The following TTF2 variants were observed in gnomAD, a reference collection of about 807,000 sequenced individuals.
TTF2 encodes transcription termination factor 2, also known as RNA polymerase II termination factor.
In TTF2, 108 loss-of-function variants were observed where a neutral mutation model predicts 142.4. The observed-to-expected ratio is 0.76, with a 90% confidence interval of 0.65 to 0.89. The LOEUF (loss-of-function observed/expected upper bound fraction) is 0.89. Among genes scored for constraint, TTF2 ranks in the 40% least tolerant of loss-of-function variants. The pLI, the probability that TTF2 is intolerant of heterozygous loss-of-function variation, is 0.00. For synonymous variants in TTF2, 483 were observed against 506.2 expected (o/e 0.95, Z 0.61); for missense variants, 1,327 against 1,379.8 (o/e 0.96, Z 0.61).
At chr1:117,067,407 G>A (rs1490889711) in intron 3 of TTF2, among the ~76,000 whole-genome samples, 1 of 151,288 alleles carries the variant, frequency 6.6e-6, no homozygotes, top group East Asian at 2.0e-4. Flanking sequence ...GCGTGTGCCT[G>A]TAATCCCAGC....
In TTF2 at chr1:117,096,307, C is replaced by G. The variant is rs770906470; in HGVS notation, c.3186+8C>G. 1.3e-5 allele frequency: 21 copies of G among 1,613,792 alleles called. No homozygotes were observed. Among genetic ancestry groups the G allele is most frequent in the African/African-American group, 2.7e-5 (2 of 74,906 alleles). Reference sequence around the variant, plus strand: ...CACTCCAGAGGCCCTCAGGTACAAGCTGGTCACATCAGAGCCGCATAATTA... The same window carrying G: ...CACTCCAGAGGCCCTCAGGTACAAGGTGGTCACATCAGAGCCGCATAATTA... On this transcript the variant is annotated splice_region_variant and intron_variant, in intron 20 of 22. Transcript: ENST00000369466.
In TTF2 at chr1:117,072,736, T is replaced by A. The variant is rs557746868; in HGVS notation, c.219-925T>A. On this transcript the variant is annotated intron_variant, in intron 3 of 22. Coordinates refer to ENST00000369466, the MANE Select transcript of TTF2 (RefSeq NM_003594.4). ...CCGCACCCGGCCAAGATATGAACTA[T>A]TTTTTAAAAAATATTTGTATGTTTT... 4.9e-4 allele frequency among the ~76,000 whole-genome samples: 75 copies of A among 152,272 alleles called. 3 individuals are homozygous for A. The South Asian group carries it at 0.015, about 29-fold the overall frequency.
In TTF2 at chr1:117,099,330, G is replaced by A. The variant is rs1248384105; in HGVS notation, c.3344+423G>A. On this transcript the variant is annotated intron_variant, in intron 22 of 22. Transcript: ENST00000369466. This position sits in a 1 kb window ranked among gnomAD's most constrained non-coding sequence, Gnocchi z 4.3. ...AGACCTGATGCTCCTTTGTCCCTAA[G>A]TACTTAAGTGTACATTTCTTAAAAT... Among the ~76,000 whole-genome samples the A allele has an allele frequency of 6.6e-6, 1 of 152,080 alleles. No individual in the cohort carries two copies. Among genetic ancestry groups the A allele is most frequent in the African/African-American group, 2.4e-5 (1 of 41,400 alleles).
rs745804849 is a variant in TTF2 at position 117,075,168 on chromosome 1, A to G, written c.584A>G (p.Lys195Arg). 40 of 1,614,054 alleles carry G rather than the reference A, an allele frequency of 2.5e-5. 1 individual carries two copies. Among genetic ancestry groups the G allele is most frequent in the Non-Finnish European group, 3.1e-5 (37 of 1,180,044 alleles). The change falls in exon 5 of 23, where the codon AAG (lysine) becomes AGG (arginine). Residue 195 changes from lysine (K) to arginine (R), a missense_variant. Transcript: ENST00000369466. This position sits in a 1 kb window ranked among gnomAD's most constrained non-coding sequence, Gnocchi z 4.5. The stretch of plus-strand genomic sequence containing the variant: ...AAACAATCTGTAGTTCAAGAGAAGA[A>G]GCAAGAAGAGGGAGCAGAGATTCAG... ...KKKQSVVQEK[K>R]QEEGAEIQCE...
At chr1:117,089,242 AATATATGCAAATATATGCTATATATATAT>A (rs1488442577) in intron 13 of TTF2, among the ~76,000 whole-genome samples, 1 of 128,394 alleles carries the variant, frequency 7.8e-6, no homozygotes, top group African/African-American at 2.8e-5. Context: ...ATATATGCAA[AATATATGCAAATATATGCTATATATATAT>A]ATATATGCAA....
rs759165779 is a variant in TTF2 at position 117,092,721 on chromosome 1, G to A, written c.2806-10G>A. 6.3e-7 allele frequency: 1 copy of A among 1,598,354 alleles called. No individual in the cohort carries two copies. Among genetic ancestry groups the A allele is most frequent in the Admixed American group, 1.8e-5 (1 of 56,250 alleles). ...CTCCCAGCTGCTCCTGTCCTTTTTT[G>A]TCTGTTCAGGCCCTGGATCCAATGG... On this transcript the variant is annotated splice_polypyrimidine_tract_variant and intron_variant, in intron 17 of 22. Transcript: ENST00000369466. The surrounding 1 kb of genome is among the most constrained non-coding windows in gnomAD (Gnocchi z 4.4).
rs1647454888 is a variant in TTF2, at chr1:117,080,962, C to T, written c.1784-866C>T. ...GGGCTGGTTACTTCAGCTGGTTACA[C>T]AGGTGGCTTCAGCCTGGTATATACC... On this transcript the variant is annotated intron_variant, in intron 9 of 22. Transcript: ENST00000369466. This position sits in a 1 kb window ranked among gnomAD's most constrained non-coding sequence, Gnocchi z 4.3. Among the ~76,000 whole-genome samples, 1 of 152,210 alleles carries T rather than the reference C, an allele frequency of 6.6e-6. No homozygotes were observed. Among genetic ancestry groups the T allele is most frequent in the Non-Finnish European group, 1.5e-5 (1 of 68,052 alleles).
rs1312288225 is a variant in TTF2, at chr1:117,097,812, G to A, written c.3269+379G>A. On this transcript the variant is annotated intron_variant, in intron 21 of 22. Coordinates refer to ENST00000369466, the MANE Select transcript of TTF2 (RefSeq NM_003594.4). The surrounding 1 kb of genome is among the most constrained non-coding windows in gnomAD (Gnocchi z 4.1). ...GGGGTCCAAGGAAATTTCAACCTTT[G>A]AAAAGAGGGAGAAGCATTACTCCAA... is the stretch of plus-strand genomic sequence containing the variant. Among the ~76,000 whole-genome samples the A allele has an allele frequency of 6.6e-6, 1 of 152,158 alleles. No individual in the cohort carries two copies. The highest frequency in any genetic ancestry group is 1.5e-5 in the Non-Finnish European group (1 of 68,028).
intron 21 of TTF2, chr1:117,098,527 G>T: frequency 4.2e-6 from 1 of 239,022 alleles, no homozygotes; most frequent in Non-Finnish European, 8.2e-6. Flanking sequence ...TTAACAGTCT[G>T]ACCCTAGTTT....
chr1:117,102,397 GA>G lies in TTF2; in HGVS notation c.*874del, dbSNP rs1180280813. 2 of 152,214 alleles carry G rather than the reference GA, an allele frequency of 1.3e-5. No homozygotes were observed. Among genetic ancestry groups the G allele is most frequent in the East Asian group, 3.8e-4 (2 of 5,196 alleles). 9.4% of individuals were successfully genotyped at this position (152,214 alleles called of 1,614,324 possible). ...TTCCTCTCAGGCTGAAGATCAAGGA[GA>G]TGCTTTGTACATGAACAGATGCTGA... On this transcript the variant is annotated 3_prime_UTR_variant, in exon 23 of 23. Transcript: ENST00000369466.
Position 117,080,408 on chromosome 1 carries a change from G to C in TTF2, c.1783+759G>C, listed in dbSNP as rs2801938. ...AAAGTCAGTTGTTTCTATAGCCACT[G>C]TTTCCTGCAGAAAGGATTTCATAGG... On this transcript the variant is annotated intron_variant, in intron 9 of 22. Transcript: ENST00000369466. The surrounding 1 kb of genome is among the most constrained non-coding windows in gnomAD (Gnocchi z 4.3). Among the ~76,000 whole-genome samples, 137,282 of 152,218 alleles carry C rather than the reference G, an allele frequency of 0.9. 62,058 individuals are homozygous for C. Among genetic ancestry groups the C allele is most frequent in the East Asian group, 1 (5,173 of 5,174 alleles).
chr1:117,064,735 T>C (rs1489609174), intron 3 of TTF2, among the ~76,000 whole-genome samples: 1 of 151,896 alleles, frequency 6.6e-6, no homozygotes, highest in African/African-American at 2.4e-5. Flanking sequence ...CCCAGGCTGG[T>C]CCCGAACTCC....
At chr1:117,082,129 C>A in intron 10 of TTF2, 182 bp downstream of exon 10, 1 of 911,706 alleles carries the variant, frequency 1.1e-6, no homozygotes, top group South Asian at 1.5e-5. Context: ...TATAAGTGAT[C>A]ATTTTTTCCG....
At position 117,075,373 on chromosome 1, in the gene TTF2, TC is replaced by T; in HGVS notation, c.790del (p.Gln264LysfsTer9). 1 of 1,614,122 alleles carries T rather than the reference TC, an allele frequency of 6.2e-7. No individual in the cohort carries two copies. Among genetic ancestry groups the T allele is most frequent in the Non-Finnish European group, 8.5e-7 (1 of 1,180,032 alleles). On this transcript the variant is annotated frameshift_variant, in exon 5 of 23. Transcript: ENST00000369466. LOFTEE classifies it high-confidence loss of function. The surrounding 1 kb of genome is among the most constrained non-coding windows in gnomAD (Gnocchi z 4.5). ...GAGAAAAGGTTACCCAGCTTTTGCC[TC>T]AAAATGTTCACAGTCACAACTCAAT... is the stretch of plus-strand genomic sequence containing the variant. ...LREKVTQLLP[Q>X]NVHSHNSISK...
chr1:117,090,859 T>G lies in TTF2; in HGVS notation c.2588+236T>G, dbSNP rs568342651. On this transcript the variant is annotated intron_variant, in intron 15 of 22. Transcript: ENST00000369466. The surrounding 1 kb of genome is among the most constrained non-coding windows in gnomAD (Gnocchi z 4.8). The stretch of plus-strand genomic sequence containing the variant: ...CCTACTCTTCATTGGCTTCCTTGCA[T>G]AGAAGTCATAGGGTGTGGTCACCAT... Among the ~76,000 whole-genome samples, 96 of 152,278 alleles carry G rather than the reference T, an allele frequency of 6.3e-4. No homozygotes were observed. The highest frequency in any genetic ancestry group is 2.3e-3 in the African/African-American group (95 of 41,532).
rs1656752199 is a variant in TTF2 at position 117,073,452 on chromosome 1, C to A, written c.219-209C>A. ...CTGTGTGCATTCTCTGGCTACCATG[C>A]CATATTTATTCTTGGACTTCCTAGC... On this transcript the variant is annotated intron_variant, in intron 3 of 22. Transcript: ENST00000369466. The surrounding 1 kb of genome is among the most constrained non-coding windows in gnomAD (Gnocchi z 4.4). 1.3e-5 allele frequency among the ~76,000 whole-genome samples: 2 copies of A among 152,272 alleles called. No individual in the cohort carries two copies. The highest frequency in any genetic ancestry group is 4.1e-4 in the South Asian group (2 of 4,820).
Position 117,080,216 on chromosome 1 carries a change from G to A in TTF2, c.1783+567G>A, listed in dbSNP as rs532498836. 1.3e-5 allele frequency among the ~76,000 whole-genome samples: 2 copies of A among 152,024 alleles called. No homozygotes were observed. Among genetic ancestry groups the A allele is most frequent in the Non-Finnish European group, 2.9e-5 (2 of 68,012 alleles). On this transcript the variant is annotated intron_variant, in intron 9 of 22. Transcript: ENST00000369466. The surrounding 1 kb of genome is among the most constrained non-coding windows in gnomAD (Gnocchi z 4.3). ...AGTAGAGATGGGGTTTCGCCATGTTGGACAGGCTGGTCTCTAACTCCTGAC... is the reference window on the plus strand; with the variant it reads ...AGTAGAGATGGGGTTTCGCCATGTTAGACAGGCTGGTCTCTAACTCCTGAC...
Position 117,099,256 on chromosome 1 carries a change from T to G in TTF2, c.3344+349T>G, listed in dbSNP as rs1340404125. Among the ~76,000 whole-genome samples, 1 of 152,172 alleles carries G rather than the reference T, an allele frequency of 6.6e-6. No homozygotes were observed. The highest frequency in any genetic ancestry group is 2.4e-5 in the African/African-American group (1 of 41,442). On this transcript the variant is annotated intron_variant, in intron 22 of 22. Transcript: ENST00000369466. The surrounding 1 kb of genome is among the most constrained non-coding windows in gnomAD (Gnocchi z 4.3). ...ACCAAAAAGTTCCCATATATTATGGTGTGCATGTGGGTAGAAACATTTTTC... is the reference window on the plus strand; with the variant it reads ...ACCAAAAAGTTCCCATATATTATGGGGTGCATGTGGGTAGAAACATTTTTC...
chr1:117,092,091 TG>T lies in TTF2; in HGVS notation c.2805+144del, dbSNP rs1266831597. 1.1e-6 allele frequency: 1 copy of T among 871,426 alleles called. No individual in the cohort carries two copies. The highest frequency in any genetic ancestry group is 2.7e-5 in the East Asian group (1 of 37,696). The allele number at this position is 871,426 out of a possible 1,614,324, so 54.0% of individuals were successfully genotyped here. A position where few individuals can be genotyped will look rare whatever the true frequency, so the allele number is the denominator to read the frequency against. On this transcript the variant is annotated intron_variant, in intron 17 of 22. Transcript: ENST00000369466. The surrounding 1 kb of genome is among the most constrained non-coding windows in gnomAD (Gnocchi z 4.4). Reference sequence around the variant, plus strand: ...CGGTTTTTCTATTTTTGTTTTTTGGTGGGTTGGAGAAAAGGGGGCTTATTTA... The same window carrying T: ...CGGTTTTTCTATTTTTGTTTTTTGGTGGTTGGAGAAAAGGGGGCTTATTTA...
Sources: allele counts gnomAD v4.1 joint callset (sites outside exome capture counted in the v4.1 genomes callset), GRCh38; gene constraint gnomAD v4.1.1; non-coding constraint Gnocchi (gnomAD v3.1); transcripts MANE v1.5; gene names NCBI Gene and HGNC (gene_info 2026-07-23, HGNC 2026-07-21).